PAX7: variants seen among roughly 807,000 people sequenced by gnomAD.
The protein encoded by PAX7 is paired box protein Pax-7.
Under a neutral mutation model 50.7 loss-of-function variants are expected in PAX7, and 18 were observed. That is an observed-to-expected ratio of 0.36 (90% CI 0.25 to 0.53). The LOEUF is 0.53. Ranked by LOEUF, PAX7 falls within the 20% of genes least tolerant of loss-of-function variation. The pLI, the probability that PAX7 is intolerant of heterozygous loss-of-function variation, is 0.93. For missense variants in PAX7, 644 were observed against 702.9 expected, an observed-to-expected ratio of 0.92 and a Z score of 0.95; for synonymous variants, 310 against 290.4, an observed-to-expected ratio of 1.07 and a Z score of -0.69.
At chr1:18,692,054 T>G in intron 5 of PAX7, 101 bp downstream of exon 5, 2 of 1,084,930 alleles carry the variant, frequency 1.8e-6, no homozygotes, top group South Asian at 1.5e-5. Flanking sequence ...CCTCGGGGGG[T>G]TTACAACAGG....
At position 18,747,004 on chromosome 1, in the gene PAX7, G is replaced by A. The variant is rs903253297; in HGVS notation, c.*2075G>A. ...CAGAGACCTTTGGCTCTTCAAGCTC[G>A]GGACAAAAAAGAAGACTCTGTTGTC... On this transcript the variant is annotated 3_prime_UTR_variant, in exon 9 of 9. Coordinates refer to ENST00000420770, the MANE Select transcript of PAX7 (RefSeq NM_001135254.2). The A allele has an allele frequency of 3.0e-5, 7 of 230,842 alleles. No homozygotes were observed. Among genetic ancestry groups the A allele is most frequent in the Non-Finnish European group, 6.0e-5 (7 of 116,632 alleles). The allele number at this position is 230,842 out of a possible 1,614,324, so 14.3% of individuals were successfully genotyped here. A position where few individuals can be genotyped will look rare whatever the true frequency, so the allele number is the denominator to read the frequency against.
chr1:18,665,779 C>T (rs1382762505), intron 4 of PAX7, among the ~76,000 whole-genome samples: 5 of 150,796 alleles, frequency 3.3e-5, no homozygotes, highest in Non-Finnish European at 2.9e-5. Context: ...AAGAGATTCT[C>T]CTGCCTCAGC....
rs1436418144 is a variant in PAX7 at position 18,744,908 on chromosome 1, G to C, written c.1497G>C (p.Val499=). The C allele has an allele frequency of 5.8e-6, 9 of 1,551,874 alleles. No individual in the cohort carries two copies. Among genetic ancestry groups the C allele is most frequent in the Non-Finnish European group, 7.9e-6 (9 of 1,146,436 alleles). The part of the protein sequence containing the change: ...EHSAVLGLLP[V]ETGQAY ...CTGCTGTGCTGGGACTCCTGCCTGTGGAAACTGGCCAGGCCTACTAGGGCC... is the reference window on the plus strand; with the variant it reads ...CTGCTGTGCTGGGACTCCTGCCTGTCGAAACTGGCCAGGCCTACTAGGGCC... Residue 499 remains valine, a synonymous_variant, in exon 9 of 9, where the codon GTG becomes GTC. Coordinates refer to ENST00000420770, the MANE Select transcript of PAX7 (RefSeq NM_001135254.2).
chr1:18,745,308 A>C lies in PAX7; in HGVS notation c.*379A>C. On this transcript the variant is annotated 3_prime_UTR_variant, in exon 9 of 9. Transcript: ENST00000420770. ...GAGGTCCTACAGCCCTTTGGACCCA[A>C]CTCCAGTGGGGGCCCTAGCTAGAAG... The C allele has an allele frequency of 3.6e-6, 1 of 278,184 alleles. No individual in the cohort carries two copies. The allele number at this position is 278,184 out of a possible 1,614,324, so 17.2% of individuals were successfully genotyped here. A position where few individuals can be genotyped will look rare whatever the true frequency, so the allele number is the denominator to read the frequency against.
intron 5 of PAX7, 100 bp downstream of exon 5, chr1:18,692,053 G>A: frequency 9.2e-7 from 1 of 1,088,690 alleles, no homozygotes; most frequent in Non-Finnish European, 1.3e-6. Context: ...CCCTCGGGGG[G>A]TTTACAACAG....
chr1:18,703,766 T>C (rs954452133), intron 7 of PAX7, among the ~76,000 whole-genome samples: 1 of 152,184 alleles, frequency 6.6e-6, no homozygotes, highest in Non-Finnish European at 1.5e-5. Context: ...GCTCATTTTT[T>C]TGTAGCTTCA....
chr1:18,631,562 C>A lies in PAX7; in HGVS notation c.-42C>A, dbSNP rs375435544. ...AGGGGTGAAGGGAGCGGACGGGAAG[C>A]GATTTTTGCCGACTTTGGATTCGTC... On this transcript the variant is annotated 5_prime_UTR_variant, in exon 1 of 9. Coordinates refer to ENST00000420770, the MANE Select transcript of PAX7 (RefSeq NM_001135254.2). 5.1e-5 allele frequency: 79 copies of A among 1,548,734 alleles called. No homozygotes were observed. The highest frequency in any genetic ancestry group is 6.9e-5 in the Non-Finnish European group (78 of 1,127,850).
At chr1:18,688,315 G>T (rs183760352) in intron 4 of PAX7, among the ~76,000 whole-genome samples, 35 of 152,322 alleles carry the variant, frequency 2.3e-4, no homozygotes, top group African/African-American at 8.2e-4. Flanking sequence ...AGTTGTGAGC[G>T]TGGGGCCTGC....
At chr1:18,659,385 C>G (rs1283335401) in intron 4 of PAX7, among the ~76,000 whole-genome samples, 3 of 152,186 alleles carry the variant, frequency 2.0e-5, no homozygotes, top group Non-Finnish European at 4.4e-5. Flanking sequence ...AAGGCTTTCC[C>G]TCCCCCTCCT....
chr1:18,739,524 A>G (rs1290047510), intron 8 of PAX7, among the ~76,000 whole-genome samples: 1 of 152,204 alleles, frequency 6.6e-6, no homozygotes, highest in East Asian at 1.9e-4. Context: ...TATGCAGTAC[A>G]CGTGGTTATT....
At chr1:18,720,716 GGA>G (rs372059026) in intron 7 of PAX7, among the ~76,000 whole-genome samples, 26 of 149,450 alleles carry the variant, frequency 1.7e-4, no homozygotes, top group Middle Eastern at 3.4e-3. Context: ...GAGACTGGGG[GGA>G]GAGAGAGAGA....
chr1:18,692,253 G>A (rs934434195), intron 5 of PAX7, among the ~76,000 whole-genome samples: 13 of 152,050 alleles, frequency 8.5e-5, no homozygotes, highest in African/African-American at 3.1e-4. Flanking sequence ...ATGAAAGAAG[G>A]GAGGGAGGCC....
At chr1:18,730,972 G>A (rs2089639228) in intron 7 of PAX7, among the ~76,000 whole-genome samples, 1 of 152,170 alleles carries the variant, frequency 6.6e-6, no homozygotes, top group Non-Finnish European at 1.5e-5. Context: ...AGGGACGGCT[G>A]TCTGTCAGCC....
chr1:18,689,327 G>A (rs1201183204), intron 4 of PAX7, among the ~76,000 whole-genome samples: 1 of 152,210 alleles, frequency 6.6e-6, no homozygotes, highest in Non-Finnish European at 1.5e-5. Context: ...CCCAGAAATG[G>A]TGGGGAAGGG....
chr1:18,675,295 G>A (rs144932181), intron 4 of PAX7, among the ~76,000 whole-genome samples: 36 of 151,840 alleles, frequency 2.4e-4, no homozygotes, highest in Non-Finnish European at 4.3e-4. Context: ...CGTGCCGATC[G>A]CCTTGGAAAA....
At chr1:18,721,523 C>T (rs2100369387) in intron 7 of PAX7, among the ~76,000 whole-genome samples, 1 of 152,322 alleles carries the variant, frequency 6.6e-6, no homozygotes, top group African/African-American at 2.4e-5. Context: ...ACTGAGTTTC[C>T]CTTTAAGCCT....
intron 8 of PAX7, among the ~76,000 whole-genome samples, chr1:18,737,330 C>A (rs888971523): frequency 1.3e-5 from 2 of 152,118 alleles, no homozygotes; most frequent in Admixed American, 6.5e-5. Context: ...TTCCTGCCCA[C>A]CCCCCCAAAC....
Position 18,631,219 on chromosome 1 carries a change from C to T in PAX7, c.-385C>T, listed in dbSNP as rs373576034. 3,832 of 246,812 alleles carry T rather than the reference C, an allele frequency of 0.016. 56 individuals are homozygous for T. Among genetic ancestry groups the T allele is most frequent in the South Asian group, 0.053 (327 of 6,144 alleles). The allele number at this position is 246,812 out of a possible 1,614,324, so 15.3% of individuals were successfully genotyped here. A position where few individuals can be genotyped will look rare whatever the true frequency, so the allele number is the denominator to read the frequency against. On this transcript the variant is annotated 5_prime_UTR_variant, in exon 1 of 9. Coordinates refer to ENST00000420770, the MANE Select transcript of PAX7 (RefSeq NM_001135254.2). ...ACTCTGAGGCTGGCGGCCTCGATTC[C>T]GGCCGCGTTCCCCCGGCCCCCCTCC...
chr1:18,706,134 C>G (rs1211771811), intron 7 of PAX7, among the ~76,000 whole-genome samples: 1 of 152,184 alleles, frequency 6.6e-6, no homozygotes, highest in Admixed American at 6.5e-5. Flanking sequence ...CACTGCCCTC[C>G]CTCCTCACTC....
Sources: gnomAD v4.1 joint callset for allele counts (sites outside exome capture counted in the v4.1 genomes callset) on GRCh38, gnomAD v4.1.1 for gene constraint, MANE v1.5 for transcripts, NCBI Gene and HGNC (gene_info 2026-07-23, HGNC 2026-07-21) for gene names.